Variants in ZNF395 observed in about 807,000 individuals in gnomAD.
ZNF395 encodes the protein HD gene regulatory region-binding protein 2.
ZNF395 carries 20 observed loss-of-function variants against 57.7 expected under a neutral mutation model. That is an observed-to-expected ratio of 0.35 (90% CI 0.24 to 0.50). The LOEUF is 0.50. Ranked by LOEUF, ZNF395 falls within the 20% of genes least tolerant of loss-of-function variation. The pLI, the probability that ZNF395 is intolerant of heterozygous loss-of-function variation, is 0.97. For missense variants in ZNF395, 606 were observed against 671.2 expected, an observed-to-expected ratio of 0.90 and a Z score of 1.07; for synonymous variants, 295 against 275.9, an observed-to-expected ratio of 1.07 and a Z score of -0.69.
chr8:28,381,074 C>G (rs1275034598), intron 1 of ZNF395, among the ~76,000 whole-genome samples: 1 of 150,804 alleles, frequency 6.6e-6, no homozygotes, highest in Non-Finnish European at 1.5e-5. Context: ...CGGAGTCTCG[C>G]TCTGTCGCCC....
intron 1 of ZNF395, among the ~76,000 whole-genome samples, chr8:28,373,685 T>A (rs1047673632): frequency 6.6e-6 from 1 of 151,910 alleles, no homozygotes; most frequent in African/African-American, 2.4e-5. Flanking sequence ...TCCTCAGGGG[T>A]TGGGGGGCGG....
At chr8:28,357,147 G>C (rs998396320) in intron 3 of ZNF395, among the ~76,000 whole-genome samples, 4 of 152,166 alleles carry the variant, frequency 2.6e-5, no homozygotes, top group Admixed American at 1.3e-4. Context: ...AGGGGAAAGA[G>C]GATAGACTCG....
chr8:28,376,855 C>A (rs1371470577), intron 1 of ZNF395, among the ~76,000 whole-genome samples: 4 of 152,162 alleles, frequency 2.6e-5, no homozygotes, highest in Non-Finnish European at 4.4e-5. Context: ...TCTAAAACTG[C>A]CATTTGTTAA....
chr8:28,361,862 T>C (rs1361601369), intron 1 of ZNF395, among the ~76,000 whole-genome samples: 1 of 152,016 alleles, frequency 6.6e-6, no homozygotes, highest in Non-Finnish European at 1.5e-5. Context: ...GAGGCTGAGA[T>C]AGATGGATCA....
In ZNF395 at chr8:28,361,019, G is replaced by C; in HGVS notation, c.106C>G (p.Pro36Ala). ...EGPSAAPPSE[P>A]LLEGAAPQPF... Reference sequence around the variant, plus strand: ...TGGGGAGCGGCCCCTTCTAGCAGTGGCTCCGAGGGTGGGGCAGCCGAGGGC... The same window carrying C: ...TGGGGAGCGGCCCCTTCTAGCAGTGCCTCCGAGGGTGGGGCAGCCGAGGGC... The change falls in exon 2 of 10, where the codon CCA becomes GCA. Residue 36 changes from proline to alanine, a missense_variant. Coordinates refer to ENST00000344423, the MANE Select transcript of ZNF395 (RefSeq NM_018660.3). 6.2e-7 allele frequency: 1 copy of C among 1,610,484 alleles called. No homozygotes were observed.
intron 1 of ZNF395, among the ~76,000 whole-genome samples, chr8:28,379,989 T>A (rs1370498270): frequency 1.3e-5 from 2 of 152,236 alleles, no homozygotes; most frequent in Non-Finnish European, 2.9e-5. Context: ...TAGATGTCCC[T>A]TAACTTTTGG....
chr8:28,349,895 G>A (rs1333168255), intron 8 of ZNF395, among the ~76,000 whole-genome samples, 169 bp downstream of exon 8: 1 of 152,250 alleles, frequency 6.6e-6, no homozygotes, highest in East Asian at 1.9e-4. Context: ...GGGAGTGCCA[G>A]GGAGGGGGCA....
At chr8:28,363,164 C>T (rs1005412559) in intron 1 of ZNF395, among the ~76,000 whole-genome samples, 6 of 150,002 alleles carry the variant, frequency 4.0e-5, no homozygotes, top group Non-Finnish European at 5.9e-5. Flanking sequence ...TGGAGTCTCA[C>T]TTTGTTGCCC....
intron 1 of ZNF395, among the ~76,000 whole-genome samples, chr8:28,375,916 A>C (rs536032910): frequency 3.9e-5 from 6 of 152,188 alleles, no homozygotes; most frequent in Non-Finnish European, 5.9e-5. Context: ...GGGTGTTTTT[A>C]CTAAGAGAGT....
chr8:28,376,767 A>C (rs28739403), intron 1 of ZNF395, among the ~76,000 whole-genome samples: 126,901 of 152,200 alleles, frequency 0.83, 53,538 homozygotes, highest in East Asian at 0.99. Flanking sequence ...AAAGGAGACT[A>C]AGGCCTGTCA....
chr8:28,352,114 C>T lies in ZNF395; in HGVS notation c.921-307G>A. 6.6e-6 allele frequency among the ~76,000 whole-genome samples: 1 copy of T among 152,228 alleles called. No homozygotes were observed. Among genetic ancestry groups the T allele is most frequent in the Non-Finnish European group, 1.5e-5 (1 of 68,030 alleles). On this transcript the variant is annotated intron_variant, in intron 6 of 9. Coordinates refer to ENST00000344423, the MANE Select transcript of ZNF395 (RefSeq NM_018660.3). This position sits in a 1 kb window ranked among gnomAD's most constrained non-coding sequence, Gnocchi z 4.0. ...GCCCTCTCTGGGCCCCACCTGCCTG[C>T]AGTCACGCTTTCTCCCCCAGGGCCA...
chr8:28,384,518 C>T (rs1802147194), intron 1 of ZNF395, among the ~76,000 whole-genome samples: 1 of 152,214 alleles, frequency 6.6e-6, no homozygotes, highest in South Asian at 2.1e-4. Flanking sequence ...ATTTCACATG[C>T]TGACATCCTT....
chr8:28,365,291 C>T (rs377562952), intron 1 of ZNF395: 18 of 152,208 alleles, frequency 1.2e-4, no homozygotes, highest in African/African-American at 3.9e-4. Context: ...AACTCTGGGC[C>T]GCCCGTGACT....
rs6999689 is a variant in ZNF395 at position 28,352,023 on chromosome 8, T to C, written c.921-216A>G. On this transcript the variant is annotated intron_variant, in intron 6 of 9. Transcript: ENST00000344423. This position sits in a 1 kb window ranked among gnomAD's most constrained non-coding sequence, Gnocchi z 4.0. ...ATTTTTCCTGGCACCTAAGGCTCATTCTCTCCCGGAACATGTGCCAACCTC... is the reference window on the plus strand; with the variant it reads ...ATTTTTCCTGGCACCTAAGGCTCATCCTCTCCCGGAACATGTGCCAACCTC... Among the ~76,000 whole-genome samples the C allele has an allele frequency of 0.11, 16,900 of 152,178 alleles. 3,051 individuals are homozygous for C. The highest frequency in any genetic ancestry group is 0.38 in the African/African-American group (15,558 of 41,448).
At chr8:28,349,364 C>A in intron 8 of ZNF395, 136 bp from the exon 9 acceptor site, 1 of 555,604 alleles carries the variant, frequency 1.8e-6, no homozygotes, top group South Asian at 3.2e-5. Context: ...AACACTCCAG[C>A]CGAGGGGAGC....
intron 1 of ZNF395, chr8:28,385,948 G>C (rs1802173993): frequency 6.8e-6 from 1 of 146,336 alleles, no homozygotes; most frequent in Non-Finnish European, 1.5e-5. Flanking sequence ...GGCGTGGGAA[G>C]TTCGCGGCCG....
chr8:28,347,148 G>A lies in ZNF395; in HGVS notation c.*1571C>T, dbSNP rs996081419. 1 of 152,112 alleles carries A rather than the reference G, an allele frequency of 6.6e-6. No individual in the cohort carries two copies. The highest frequency in any genetic ancestry group is 6.5e-5 in the Admixed American group (1 of 15,272). 9.4% of individuals were successfully genotyped at this position (152,112 alleles called of 1,614,324 possible). A position where few individuals can be genotyped will look rare whatever the true frequency, so the allele number is the denominator to read the frequency against. The stretch of plus-strand genomic sequence containing the variant: ...CTATTTCCTACGTGAAGGGGCCAAG[G>A]GAGCCCTGGTGGCCCAAATATCTTC... On this transcript the variant is annotated 3_prime_UTR_variant, in exon 10 of 10. Coordinates refer to ENST00000344423, the MANE Select transcript of ZNF395 (RefSeq NM_018660.3).
Position 28,348,029 on chromosome 8 carries a change from T to C in ZNF395, c.*690A>G, listed in dbSNP as rs1801629025. On this transcript the variant is annotated 3_prime_UTR_variant, in exon 10 of 10. Transcript: ENST00000344423. ...GGCTCAGCTATTTGGCGACAGTCTT[T>C]TAAAAAACCTCTTTCTCTGGGCTTT... The C allele has an allele frequency of 6.6e-6, 1 of 152,206 alleles. No homozygotes were observed. Among genetic ancestry groups the C allele is most frequent in the African/African-American group, 2.4e-5 (1 of 41,448 alleles). 9.4% of individuals were successfully genotyped at this position (152,206 alleles called of 1,614,324 possible).
intron 1 of ZNF395, among the ~76,000 whole-genome samples, chr8:28,377,883 G>A (rs542222440): frequency 6.2e-4 from 93 of 149,120 alleles, no homozygotes; most frequent in African/African-American, 2.1e-3. Context: ...TCAGCCTCCC[G>A]AGTAGCTGGT....
Sources: gnomAD v4.1 joint callset for allele counts (sites outside exome capture counted in the v4.1 genomes callset) on GRCh38, gnomAD v4.1.1 for gene constraint, Gnocchi (gnomAD v3.1) non-coding constraint, MANE v1.5 for transcripts, NCBI Gene and HGNC (gene_info 2026-07-23, HGNC 2026-07-21) for gene names.